The following AFG3L2 variants were observed in gnomAD, a reference collection of about 807,000 sequenced individuals.
The protein encoded by AFG3L2 is AFG3 like matrix AAA peptidase subunit 2.
AFG3L2 carries 54 observed loss-of-function variants against 94.5 expected under a neutral mutation model. The observed-to-expected ratio is 0.57, with a 90% CI of 0.46 to 0.72. The LOEUF (loss-of-function observed/expected upper bound fraction) is 0.72, where lower values mean the gene tolerates loss of function less well. Among genes scored for constraint, AFG3L2 ranks in the 30% least tolerant of loss-of-function variants. The pLI is 0.00. For missense variants in AFG3L2, 754 were observed against 994.9 expected (o/e 0.76, Z 3.26); for synonymous variants, 377 against 365.5 (o/e 1.03, Z -0.36).
intron 16 of AFG3L2, among the ~76,000 whole-genome samples, chr18:12,331,828 T>A (rs1409539568): frequency 3.4e-3 from 8 of 2,366 alleles, no homozygotes; most frequent in Admixed American, 0.015. Flanking sequence ...TATATATATA[T>A]ATATATATAT....
At chr18:12,330,250 C>T (rs1224437487) in intron 16 of AFG3L2, among the ~76,000 whole-genome samples, 2 of 151,732 alleles carry the variant, frequency 1.3e-5, no homozygotes, top group Non-Finnish European at 1.5e-5. Context: ...CACTTGAACC[C>T]GGGAGGCGGA....
chr18:12,361,956 C>A (rs953715272), intron 6 of AFG3L2, among the ~76,000 whole-genome samples: 2 of 152,238 alleles, frequency 1.3e-5, no homozygotes, highest in Non-Finnish European at 1.5e-5. Flanking sequence ...ACGCCTGGCT[C>A]CCATCACAGA....
chr18:12,364,249 C>T (rs1390573797), intron 5 of AFG3L2, among the ~76,000 whole-genome samples: 2 of 152,196 alleles, frequency 1.3e-5, no homozygotes, highest in Non-Finnish European at 2.9e-5. Flanking sequence ...CTGACACTTC[C>T]GTGCTGCAGG....
intron 12 of AFG3L2, among the ~76,000 whole-genome samples, chr18:12,349,446 C>T (rs7235296): frequency 0.67 from 102,021 of 152,032 alleles, 35,787 homozygotes; most frequent in Non-Finnish European, 0.78. Context: ...ATCTGTACAC[C>T]GATGTTCATG....
intron 15 of AFG3L2, among the ~76,000 whole-genome samples, chr18:12,339,898 T>C: frequency 6.8e-6 from 1 of 146,822 alleles, no homozygotes; most frequent in South Asian, 2.1e-4. Context: ...CGCATGCCTG[T>C]AATCCCAGCT....
At chr18:12,372,773 G>A (rs1598840880) in intron 1 of AFG3L2, among the ~76,000 whole-genome samples, 2 of 152,296 alleles carry the variant, frequency 1.3e-5, no homozygotes, top group East Asian at 3.9e-4. Context: ...GTGAAAGAAG[G>A]CAGACACAAA....
At position 12,351,162 on chromosome 18, in the gene AFG3L2, C is replaced by T. The variant is rs1340859041; in HGVS notation, c.1475G>A (p.Arg492Gln). The change falls in exon 12 of 17, where the codon CGA becomes CAA. Residue 492 changes from arginine (R) to glutamine (Q), a missense_variant. Coordinates refer to ENST00000269143, the MANE Select transcript of AFG3L2 (RefSeq NM_006796.3). ...CAGGGTACTGTCCAGTTTTAGCGGT[C>T]GGAGATGAACTTTGAAAATAGAAGC... ...GRASIFKVHLRPLKLDSTLEK... is the reference protein window; with the variant it reads ...GRASIFKVHLQPLKLDSTLEK... 7.4e-6 allele frequency: 12 copies of T among 1,613,934 alleles called. No homozygotes were observed. Among genetic ancestry groups the T allele is most frequent in the Non-Finnish European group, 1.0e-5 (12 of 1,179,992 alleles).
rs1486748940 is a variant in AFG3L2, at chr18:12,353,135, A to G, written c.1188T>C (p.Ala396=). 6.2e-7 allele frequency: 1 copy of G among 1,614,088 alleles called. No homozygotes were observed. Among genetic ancestry groups the G allele is most frequent in the Non-Finnish European group, 8.5e-7 (1 of 1,179,996 alleles). The part of the protein sequence containing the change: ...PARVRDLFAL[A]RKNAPCILFI... ...AGAGGATGCAAGGGGCATTCTTCCG[A>G]GCAAGGGCAAATAAGTCTCGGACCT... The change falls in exon 10 of 17, where the codon GCT becomes GCC. Residue 396 remains alanine (A), a synonymous_variant. Coordinates refer to ENST00000269143, the MANE Select transcript of AFG3L2 (RefSeq NM_006796.3).
intron 1 of AFG3L2, among the ~76,000 whole-genome samples, 162 bp downstream of exon 1, chr18:12,376,807 C>G (rs1054776981): frequency 3.9e-5 from 6 of 152,248 alleles, no homozygotes; most frequent in African/African-American, 1.4e-4. Context: ...AATCGGCGCT[C>G]CCGGGGCCGG....
In AFG3L2 at chr18:12,358,751, C is replaced by A. The variant is rs757352786; in HGVS notation, c.945G>T (p.Glu315Asp). 2 of 1,614,244 alleles carry A rather than the reference C, an allele frequency of 1.2e-6. No individual in the cohort carries two copies. Among genetic ancestry groups the A allele is most frequent in the East Asian group, 4.5e-5 (2 of 44,886 alleles). ...VKFKDVAGCE[E>D]AKLEIMEFVN... is the part of the protein sequence containing the mutation. ...CAAATTCCATGATCTCTAGCTTGGC[C>A]TCCTCACAGCCAGCCACATCTTTGA... The change falls in exon 8 of 17, where the codon GAG (glutamate) becomes GAT (aspartate). Residue 315 changes from glutamate (E) to aspartate (D), a missense_variant. Physicochemically the swap from Glu to Asp is conservative, Grantham distance 45 (BLOSUM62 2). Coordinates refer to ENST00000269143, the MANE Select transcript of AFG3L2 (RefSeq NM_006796.3).
Position 12,352,689 on chromosome 18 carries a change from A to C in AFG3L2, c.1318+316T>G, listed in dbSNP as rs143392354. On this transcript the variant is annotated intron_variant, in intron 10 of 16. Coordinates refer to ENST00000269143, the MANE Select transcript of AFG3L2 (RefSeq NM_006796.3). ...CCGATATTAAGTTATGCAGGCTGCC[A>C]GGAAAAAATATTTTGCTATTATTTG... is the stretch of plus-strand genomic sequence containing the variant. 9.5e-4 allele frequency among the ~76,000 whole-genome samples: 145 copies of C among 152,320 alleles called. 1 individual carries two copies. The highest frequency in any genetic ancestry group is 3.4e-3 in the African/African-American group (141 of 41,576).
chr18:12,336,092 T>C (rs932984356), intron 16 of AFG3L2, among the ~76,000 whole-genome samples: 3 of 152,230 alleles, frequency 2.0e-5, no homozygotes, highest in Non-Finnish European at 4.4e-5. Context: ...GAGGAATTTA[T>C]AGTTTAAATG....
Position 12,364,547 on chromosome 18 carries a change from G to C in AFG3L2, c.553-691C>G, listed in dbSNP as rs1397216432. Among the ~76,000 whole-genome samples, 4 of 152,040 alleles carry C rather than the reference G, an allele frequency of 2.6e-5. No homozygotes were observed. The East Asian group carries it at 5.8e-4, about 22-fold the overall frequency. ...GCAAAACATTATTATTGCTCTATAG[G>C]ACATAGCCTATCGCTCTATAGGACA... On this transcript the variant is annotated intron_variant, in intron 5 of 16. Coordinates refer to ENST00000269143, the MANE Select transcript of AFG3L2 (RefSeq NM_006796.3).
At chr18:12,363,911 T>G in intron 5 of AFG3L2, 55 bp from the exon 6 acceptor site, 1 of 1,286,368 alleles carries the variant, frequency 7.8e-7, no homozygotes, top group Admixed American at 1.7e-5. Context: ...CTTGAGATAC[T>G]CTTTTAAGCT....
intron 2 of AFG3L2, among the ~76,000 whole-genome samples, chr18:12,371,210 A>G (rs1031730658): frequency 9.2e-5 from 14 of 151,840 alleles, no homozygotes; most frequent in Non-Finnish European, 1.6e-4. Context: ...GCTACTCGGG[A>G]GGCTGAGGCA....
Position 12,367,343 on chromosome 18 carries a change from C to T in AFG3L2, c.332G>A (p.Gly111Glu), listed in dbSNP as rs1296870725. 1.4e-5 allele frequency: 22 copies of T among 1,614,084 alleles called. No homozygotes were observed. The highest frequency in any genetic ancestry group is 2.7e-5 in the African/African-American group (2 of 74,944). ...ACCTCGTTTTCCACCGCCACCACCT[C>T]CTCCTCCAGAAGAGCGTGTGGTAGC... ...PAATTRSSGG[G>E]GGGGGKRGGK... The change falls in exon 4 of 17, where the codon GGA (glycine) becomes GAA (glutamate). Residue 111 changes from glycine to glutamate, a missense_variant. Around this residue, in one of 4 missense-constraint regions of AFG3L2, gnomAD observed 236 missense variants for 214.0 expected, o/e 1.10. Coordinates refer to ENST00000269143, the MANE Select transcript of AFG3L2 (RefSeq NM_006796.3).
chr18:12,333,349 T>TAA (rs1164999653), intron 16 of AFG3L2, among the ~76,000 whole-genome samples: 1 of 130,302 alleles, frequency 7.7e-6, no homozygotes, highest in African/African-American at 2.9e-5. Flanking sequence ...ATATAATATA[T>TAA]AATTATATAT....
intron 10 of AFG3L2, among the ~76,000 whole-genome samples, 197 bp from the exon 11 acceptor site, chr18:12,351,610 G>C (rs919176209): frequency 3.3e-5 from 5 of 150,808 alleles, no homozygotes; most frequent in South Asian, 2.1e-4. Context: ...GCAATGGCGT[G>C]ATCTCAGCTC....
chr18:12,372,837 T>C (rs1192380250), intron 1 of AFG3L2, among the ~76,000 whole-genome samples: 2 of 152,130 alleles, frequency 1.3e-5, no homozygotes, highest in Non-Finnish European at 1.5e-5. Flanking sequence ...GGCAAATCCA[T>C]AGAGAGATAG....
Sources: gnomAD v4.1 joint callset for allele counts (sites outside exome capture counted in the v4.1 genomes callset) on GRCh38, gnomAD v4.1.1 for gene constraint, gnomAD v4.1.1 regional missense constraint, MANE v1.5 for transcripts, NCBI Gene and HGNC (gene_info 2026-07-23, HGNC 2026-07-21) for gene names.